The following NCAM2 variants were observed in gnomAD, a reference collection of about 807,000 sequenced individuals.
NCAM2 encodes the protein neural cell adhesion molecule 2, also known as N-CAM-2.
Under a neutral mutation model 98.1 loss-of-function variants are expected in NCAM2, and 30 were observed. That is an observed-to-expected ratio of 0.31 (90% confidence interval 0.23 to 0.41). NCAM2 has a LOEUF of 0.41. NCAM2 is among the 10% of genes least tolerant of loss of function. The pLI is 1.00. For missense variants in NCAM2, 867 were observed against 1,005.8 expected, an observed-to-expected ratio of 0.86 and a Z score of 1.87; for synonymous variants, 368 against 342.4, an observed-to-expected ratio of 1.07 and a Z score of -0.83.
intron 15 of NCAM2, among the ~76,000 whole-genome samples, chr21:21,482,419 T>C (rs1054721450): frequency 6.6e-6 from 1 of 152,132 alleles, no homozygotes; most frequent in East Asian, 1.9e-4. Flanking sequence ...ACATCTTAAG[T>C]CTTTTCATTT....
intron 12 of NCAM2, among the ~76,000 whole-genome samples, chr21:21,439,325 G>A (rs1261577317): frequency 2.0e-5 from 3 of 152,076 alleles, no homozygotes; most frequent in African/African-American, 7.2e-5. Context: ...CACCATGTTG[G>A]CCAGGCTGGT....
intron 16 of NCAM2, among the ~76,000 whole-genome samples, chr21:21,528,884 A>G (rs1989474417): frequency 6.6e-6 from 1 of 152,154 alleles, no homozygotes; most frequent in Non-Finnish European, 1.5e-5. Flanking sequence ...AAAATCTAAA[A>G]GAAATATAAT....
chr21:21,428,395 C>T (rs1327009028), intron 11 of NCAM2, among the ~76,000 whole-genome samples: 1 of 152,124 alleles, frequency 6.6e-6, no homozygotes, highest in Non-Finnish European at 1.5e-5. Flanking sequence ...ATCCAGGATC[C>T]TGAACATGAG....
At chr21:21,223,126 C>A (rs191649956) in intron 1 of NCAM2, among the ~76,000 whole-genome samples, 2 of 152,250 alleles carry the variant, frequency 1.3e-5, no homozygotes, top group Admixed American at 6.5e-5. Context: ...TCATTTAGCA[C>A]TCTTAGTCCT....
chr21:21,374,103 G>A, intron 9 of NCAM2, 90 bp downstream of exon 9: 2 of 1,272,732 alleles, frequency 1.6e-6, no homozygotes, highest in South Asian at 1.5e-5. Flanking sequence ...TATATATGTA[G>A]TTCACATTTC....
At chr21:21,039,550 A>G (rs1318450256) in intron 1 of NCAM2, among the ~76,000 whole-genome samples, 2 of 152,226 alleles carry the variant, frequency 1.3e-5, no homozygotes, top group East Asian at 1.9e-4. Flanking sequence ...ACAATATCAC[A>G]TGTACCCCAT....
Position 21,542,157 on chromosome 21 carries a change from T to C in NCAM2, c.*4200T>C, listed in dbSNP as rs1990256099. 6.6e-6 allele frequency: 1 copy of C among 151,828 alleles called. No individual in the cohort carries two copies. Among genetic ancestry groups the C allele is most frequent in the Non-Finnish European group, 1.5e-5 (1 of 67,804 alleles). 9.4% of individuals were successfully genotyped at this position (151,828 alleles called of 1,614,324 possible). A position where few individuals can be genotyped will look rare whatever the true frequency, so the allele number is the denominator to read the frequency against. On this transcript the variant is annotated 3_prime_UTR_variant, in exon 18 of 18. Transcript: ENST00000400546. ...ACAATTTTATGTCCAAATGAGAAAT[T>C]TATAAAAAGACCCACATATAGTAGT...
At chr21:21,512,978 T>C (rs1988487742) in intron 16 of NCAM2, among the ~76,000 whole-genome samples, 1 of 152,094 alleles carries the variant, frequency 6.6e-6, no homozygotes, top group Non-Finnish European at 1.5e-5. Flanking sequence ...TCTAATAGTT[T>C]TTTTGGTGGA....
intron 1 of NCAM2, among the ~76,000 whole-genome samples, chr21:21,166,854 C>T (rs2067967511): frequency 6.6e-6 from 1 of 152,114 alleles, no homozygotes; most frequent in African/African-American, 2.4e-5. Context: ...ATTTGTCTTT[C>T]AACATATTGC....
intron 1 of NCAM2, among the ~76,000 whole-genome samples, chr21:21,071,863 ATGTCTGCCTATCTATC>A (rs2065571738): frequency 7.3e-6 from 1 of 137,926 alleles, no homozygotes; most frequent in African/African-American, 2.9e-5. Context: ...ATTATTTGTC[ATGTCTGCCTATCTATC>A]TATCTATCTA....
In NCAM2 at chr21:21,510,901, T is replaced by C. The variant is rs565756728; in HGVS notation, c.2282+1846T>C. Among the ~76,000 whole-genome samples the C allele has an allele frequency of 5.9e-5, 9 of 152,162 alleles. No individual in the cohort carries two copies. In the South Asian group the frequency reaches 1.5e-3, roughly 25 times the overall value. Reference sequence around the variant, plus strand: ...CAAATCAAGAAAAAGAACTTTATTATCTACGTCTCCTTTCCTGTCCCTATT... The same window carrying C: ...CAAATCAAGAAAAAGAACTTTATTACCTACGTCTCCTTTCCTGTCCCTATT... On this transcript the variant is annotated intron_variant, in intron 16 of 17. Coordinates refer to ENST00000400546, the MANE Select transcript of NCAM2 (RefSeq NM_004540.5).
chr21:21,471,328 A>G (rs901134886), intron 14 of NCAM2, among the ~76,000 whole-genome samples: 4 of 152,006 alleles, frequency 2.6e-5, no homozygotes, highest in Non-Finnish European at 5.9e-5. Context: ...TGAGGATCCA[A>G]TTGGAGATAC....
At chr21:21,214,663 G>A (rs1191201189) in intron 1 of NCAM2, among the ~76,000 whole-genome samples, 1 of 145,994 alleles carries the variant, frequency 6.8e-6, no homozygotes, top group Non-Finnish European at 1.5e-5. Flanking sequence ...AATAACCAGT[G>A]TGTTTTGACT....
At chr21:21,515,343 G>A (rs563229942) in intron 16 of NCAM2, among the ~76,000 whole-genome samples, 39 of 152,174 alleles carry the variant, frequency 2.6e-4, no homozygotes, top group Non-Finnish European at 5.3e-4. Context: ...GTAACCTTAG[G>A]ACCAATTCCC....
At chr21:21,009,035 A>T in intron 1 of NCAM2, among the ~76,000 whole-genome samples, 1 of 152,140 alleles carries the variant, frequency 6.6e-6, no homozygotes, top group East Asian at 1.9e-4. Context: ...TGGGAGCAAG[A>T]ATGCCTTTCC....
chr21:21,325,538 G>C (rs769793144), intron 6 of NCAM2, among the ~76,000 whole-genome samples: 5 of 151,966 alleles, frequency 3.3e-5, no homozygotes, highest in African/African-American at 4.8e-5. Context: ...ACAAACTGTT[G>C]GTATTTTTTA....
chr21:21,220,474 A>C (rs151253383), intron 1 of NCAM2, among the ~76,000 whole-genome samples: 1 of 152,162 alleles, frequency 6.6e-6, no homozygotes, highest in Non-Finnish European at 1.5e-5. Flanking sequence ...GTAGTACACT[A>C]TAGTGTCTAG....
At position 21,479,583 on chromosome 21, in the gene NCAM2, C is replaced by CAAAAAAAAAAAAAA. The variant is rs1156588500; in HGVS notation, c.2077+2124_2077+2137dup. On this transcript the variant is annotated intron_variant, in intron 15 of 17. Coordinates refer to ENST00000400546, the MANE Select transcript of NCAM2 (RefSeq NM_004540.5). ...TGGGAGACAGAGCGAGACTGCGTCT[C>CAAAAAAAAAAAAAA]AAAAAAAAAAAAAAAAAAAAAAAAA... Among the ~76,000 whole-genome samples, 64 of 30,958 alleles carry CAAAAAAAAAAAAAA rather than the reference C, an allele frequency of 2.1e-3. 8 individuals are homozygous for CAAAAAAAAAAAAAA. The highest frequency in any genetic ancestry group is 2.1e-3 in the Non-Finnish European group (31 of 14,878). The allele number at this position is 30,958 out of a possible 152,430, so 20.3% of individuals were successfully genotyped here.
At chr21:21,226,105 A>T (rs373894492) in intron 1 of NCAM2, among the ~76,000 whole-genome samples, 2 of 152,198 alleles carry the variant, frequency 1.3e-5, no homozygotes, top group Non-Finnish European at 2.9e-5. Context: ...GATATAAACA[A>T]TGAGCACACA....
Sources: allele counts gnomAD v4.1 joint callset (sites outside exome capture counted in the v4.1 genomes callset), GRCh38; gene constraint gnomAD v4.1.1; transcripts MANE v1.5; gene names NCBI Gene and HGNC (gene_info 2026-07-23, HGNC 2026-07-21).